Variants in TEX11 observed in about 807,000 individuals in gnomAD.
TEX11 encodes testis-expressed protein 11.
Under a neutral mutation model 84.4 loss-of-function variants are expected in TEX11, and 7 were observed. That is an observed-to-expected ratio of 0.08 (90% CI 0.05 to 0.16). The LOEUF (loss-of-function observed/expected upper bound fraction) is 0.16. Among genes scored for constraint, TEX11 ranks in the 10% least tolerant of loss-of-function variants. The probability of loss-of-function intolerance (pLI) is 1.00; values close to 1 mark genes in which losing one functional copy is unlikely to be tolerated. For synonymous variants in TEX11, 264 were observed against 222.8 expected (o/e 1.18, Z -1.64); for missense variants, 551 against 660.5 (o/e 0.83, Z 1.82).
intron 13 of TEX11, among the ~76,000 whole-genome samples, chrX:70,689,550 C>A (rs2090216922): frequency 1.8e-5 from 2 of 111,607 alleles, no homozygotes; most frequent in South Asian, 7.5e-4. Context: ...AAACCACCCA[C>A]ACTGATTGGG....
intron 28 of TEX11, among the ~76,000 whole-genome samples, chrX:70,533,428 A>G (rs925382014): frequency 4.4e-5 from 5 of 112,384 alleles, no homozygotes; most frequent in African/African-American, 6.5e-5. Context: ...ATTCACTTAA[A>G]GGACAGAGTA....
At chrX:70,709,142 C>T (rs146522410) in intron 13 of TEX11, among the ~76,000 whole-genome samples, 2,300 of 110,861 alleles carry the variant, frequency 0.021, 24 homozygotes, top group Non-Finnish European at 0.031. Flanking sequence ...ACAAAAAATA[C>T]GAATGTCCTA....
chrX:70,827,781 T>C (rs2091355246), intron 8 of TEX11, among the ~76,000 whole-genome samples: 1 of 111,813 alleles, frequency 8.9e-6, no homozygotes, highest in African/African-American at 3.2e-5. Flanking sequence ...GAGAGCATCT[T>C]TGGACACACC....
At chrX:70,790,988 C>A (rs753229250) in intron 9 of TEX11, among the ~76,000 whole-genome samples, 4 of 111,947 alleles carry the variant, frequency 3.6e-5, no homozygotes, top group African/African-American at 6.5e-5. Context: ...ATGTGCACAA[C>A]ATGCAGGTTT....
At chrX:70,660,535 G>C (rs931942293) in intron 16 of TEX11, among the ~76,000 whole-genome samples, 2 of 108,993 alleles carry the variant, frequency 1.8e-5, no homozygotes, top group African/African-American at 3.4e-5. Context: ...AAACACATTA[G>C]CCTAGACCTA....
intron 9 of TEX11, among the ~76,000 whole-genome samples, chrX:70,759,869 C>A (rs777411759): frequency 9.0e-6 from 1 of 111,595 alleles, no homozygotes; most frequent in African/African-American, 3.3e-5. Context: ...AAAACCCCAT[C>A]CTCTCAGCCC....
At chrX:70,732,523 C>T (rs1261256965) in intron 11 of TEX11, among the ~76,000 whole-genome samples, 1 of 111,244 alleles carries the variant, frequency 9.0e-6, no homozygotes, top group Non-Finnish European at 1.9e-5. Context: ...AAACAGAGAG[C>T]CAAATCATGA....
At chrX:70,715,407 C>T (rs975269876) in intron 13 of TEX11, among the ~76,000 whole-genome samples, 22 of 111,986 alleles carry the variant, frequency 2.0e-4, no homozygotes, top group African/African-American at 6.8e-4. Context: ...GTTCCATTCT[C>T]CCCGTCACTT....
At chrX:70,624,623 G>A (rs563656714) in intron 19 of TEX11, among the ~76,000 whole-genome samples, 1 of 111,770 alleles carries the variant, frequency 8.9e-6, no homozygotes, top group South Asian at 3.7e-4. Flanking sequence ...ACCAACAGGA[G>A]AACCACTCTA....
At chrX:70,773,059 G>A (rs1334267932) in intron 9 of TEX11, among the ~76,000 whole-genome samples, 1 of 110,513 alleles carries the variant, frequency 9.0e-6, no homozygotes, top group Non-Finnish European at 1.9e-5. Flanking sequence ...ATCCCAGGAG[G>A]ATTCATAAAA....
chrX:70,767,161 A>T (rs1024981103), intron 9 of TEX11, among the ~76,000 whole-genome samples: 2 of 111,691 alleles, frequency 1.8e-5, no homozygotes, highest in Non-Finnish European at 3.8e-5. Context: ...AGGAAGCAAT[A>T]AACAAAATGA....
At chrX:70,728,532 G>A (rs1200691060) in intron 11 of TEX11, among the ~76,000 whole-genome samples, 1 of 112,488 alleles carries the variant, frequency 8.9e-6, no homozygotes, top group Non-Finnish European at 1.9e-5. Context: ...CCCCTGGCTT[G>A]GAGGGTCCTA....
chrX:70,773,987 C>CCCT (rs2090986670), intron 9 of TEX11, among the ~76,000 whole-genome samples: 1 of 110,738 alleles, frequency 9.0e-6, no homozygotes, highest in Non-Finnish European at 1.9e-5. Context: ...ATCCTAGCCA[C>CCCT]AGGAACGCCC....
At chrX:70,633,745 C>A (rs148660246) in intron 17 of TEX11, among the ~76,000 whole-genome samples, 1,112 of 110,865 alleles carry the variant, frequency 0.01, 14 homozygotes, top group African/African-American at 0.033. Context: ...TGGTGAAACC[C>A]CATTTCTACT....
At chrX:70,751,311 C>T (rs1355868932) in intron 9 of TEX11, among the ~76,000 whole-genome samples, 15 of 107,319 alleles carry the variant, frequency 1.4e-4, no homozygotes, top group African/African-American at 3.4e-4. Flanking sequence ...CCATAAAAAA[C>T]GATGAGTTCA....
intron 5 of TEX11, among the ~76,000 whole-genome samples, chrX:70,855,049 A>G (rs2091528555): frequency 9.0e-6 from 1 of 110,919 alleles, no homozygotes; most frequent in Non-Finnish European, 1.9e-5. Context: ...CCCTGTCTCA[A>G]TAAAAAGTAT....
chrX:70,660,307 A>G (rs2089912211), intron 16 of TEX11, among the ~76,000 whole-genome samples: 1 of 111,916 alleles, frequency 8.9e-6, no homozygotes, highest in African/African-American at 3.2e-5. Flanking sequence ...TTCTTTCTTC[A>G]ATAATGGAGT....
At chrX:70,580,988 T>C (rs2088765632) in intron 25 of TEX11, among the ~76,000 whole-genome samples, 1 of 111,349 alleles carries the variant, frequency 9.0e-6, no homozygotes, top group African/African-American at 3.3e-5. Flanking sequence ...GCACAGTTTT[T>C]TGTTTTTGTT....
At chrX:70,596,155 T>C (rs1260385856) in intron 24 of TEX11, among the ~76,000 whole-genome samples, 2 of 111,609 alleles carry the variant, frequency 1.8e-5, no homozygotes, top group Admixed American at 1.9e-4. Flanking sequence ...TGGGTAGAAT[T>C]GAAGAAAGAA....
Sources: allele counts gnomAD v4.1 joint callset (sites outside exome capture counted in the v4.1 genomes callset), GRCh38; gene constraint gnomAD v4.1.1; transcripts MANE v1.5; gene names NCBI Gene and HGNC (gene_info 2026-07-23, HGNC 2026-07-21).